ABCC11: variants seen among roughly 807,000 people sequenced by gnomAD.
ABCC11 encodes ATP-binding cassette sub-family C member 11.
ABCC11 carries 135 observed loss-of-function variants against 149.3 expected under a neutral mutation model. The ratio of observed to expected loss-of-function variants is 0.90; its 90% CI spans 0.79 to 1.04. The LOEUF is 1.04. Among genes scored for constraint, ABCC11 ranks in the 50% least tolerant of loss-of-function variants. The pLI, the probability that ABCC11 is intolerant of heterozygous loss-of-function variation, is 0.00. For synonymous variants in ABCC11, 665 were observed against 671.4 expected, an observed-to-expected ratio of 0.99 and a Z score of 0.15; for missense variants, 1,680 against 1,722.1, an observed-to-expected ratio of 0.98 and a Z score of 0.43.
At chr16:48,178,473 G>A in intron 24 of ABCC11, 124 bp downstream of exon 24, 3 of 851,732 alleles carry the variant, frequency 3.5e-6, no homozygotes, top group Non-Finnish European at 5.6e-6. Context: ...GGGAGGAAAG[G>A]CCAGGAGCCT....
chr16:48,227,727 C>T, intron 4 of ABCC11, 79 bp downstream of exon 4: 1 of 1,592,166 alleles, frequency 6.3e-7, no homozygotes, highest in Non-Finnish European at 8.6e-7. Flanking sequence ...CTCCCTACCA[C>T]CCTTAGGCAT....
At chr16:48,176,833 G>A (rs1011836930) in intron 25 of ABCC11, 91 bp downstream of exon 25, 5 of 1,400,300 alleles carry the variant, frequency 3.6e-6, no homozygotes, top group Non-Finnish European at 4.8e-6. Flanking sequence ...ATATTTGGGG[G>A]ATGACTGAGC....
chr16:48,175,107 T>G, intron 26 of ABCC11, 151 bp downstream of exon 26: 1 of 946,330 alleles, frequency 1.1e-6, no homozygotes, highest in Non-Finnish European at 1.5e-6. Flanking sequence ...AGTACTTCAG[T>G]GAGGTAAGCC....
At position 48,175,246 on chromosome 16, in the gene ABCC11, C is replaced by T. The variant is rs374942965; in HGVS notation, c.3698+12G>A. On this transcript the variant is annotated intron_variant, in intron 26 of 29. Coordinates refer to ENST00000356608, the MANE Select transcript of ABCC11 (RefSeq NM_001370497.1). ...CCACCTCCTGCAGGCTGCCTGCTGGCCCGGCACTCACCTGATGGTTCCTGA... is the reference window on the plus strand; with the variant it reads ...CCACCTCCTGCAGGCTGCCTGCTGGTCCGGCACTCACCTGATGGTTCCTGA... 4 of 1,597,410 alleles carry T rather than the reference C, an allele frequency of 2.5e-6. No individual in the cohort carries two copies. The highest frequency in any genetic ancestry group is 2.7e-5 in the African/African-American group (2 of 74,656).
Position 48,227,896 on chromosome 16 carries a change from G to T in ABCC11, c.305C>A (p.Pro102Gln), listed in dbSNP as rs371302823. 5 of 1,614,086 alleles carry T rather than the reference G, an allele frequency of 3.1e-6. No homozygotes were observed. The highest frequency in any genetic ancestry group is 2.2e-5 in the East Asian group (1 of 44,872). ...ACTCCGTAAGCTTTGGATCATGAGC[G>T]GGGTGAGCCATGACACGGTGAGGTA... Reference protein sequence around the residue: ...FSYLTVSWLTPLMIQSLRSRL... With the variant: ...FSYLTVSWLTQLMIQSLRSRL... The change falls in exon 4 of 30, where the codon CCG becomes CAG. Residue 102 changes from proline (P) to glutamine (Q), a missense_variant. Pro to Gln is a moderately conservative substitution (Grantham distance 76). Coordinates refer to ENST00000356608, the MANE Select transcript of ABCC11 (RefSeq NM_001370497.1).
At chr16:48,168,242 A>G (rs1965464366) in intron 28 of ABCC11, among the ~76,000 whole-genome samples, 1 of 129,688 alleles carries the variant, frequency 7.7e-6, no homozygotes, top group Admixed American at 7.5e-5. Flanking sequence ...TAAAGTAATG[A>G]CTCAAATTTG....
chr16:48,184,424 A>G lies in ABCC11; in HGVS notation c.3258+16T>C, dbSNP rs1966627507. ...AGCAAAGCTCAGAGAGGGCCCACAC[A>G]GAGTCACCCCCTCACCTGCAGCACG... is the stretch of plus-strand genomic sequence containing the variant. On this transcript the variant is annotated intron_variant, in intron 23 of 29. Transcript: ENST00000356608. 1 of 1,610,962 alleles carries G rather than the reference A, an allele frequency of 6.2e-7. No individual in the cohort carries two copies. Among genetic ancestry groups the G allele is most frequent in the African/African-American group, 1.3e-5 (1 of 74,928 alleles).
chr16:48,173,027 G>C (rs1466495657), intron 26 of ABCC11, among the ~76,000 whole-genome samples: 2 of 152,202 alleles, frequency 1.3e-5, no homozygotes, highest in African/African-American at 4.8e-5. Flanking sequence ...TACTAAAGAA[G>C]AGGCAGGTCT....
intron 4 of ABCC11, 50 bp downstream of exon 4, chr16:48,227,756 C>G (rs760769849): frequency 1.2e-6 from 2 of 1,610,330 alleles, no homozygotes; most frequent in South Asian, 1.1e-5. Flanking sequence ...ATTATCCCAC[C>G]AAGAGATTGT....
At chr16:48,228,367 G>A (rs1283019321) in intron 3 of ABCC11, among the ~76,000 whole-genome samples, 1 of 152,114 alleles carries the variant, frequency 6.6e-6, no homozygotes, top group African/African-American at 2.4e-5. Context: ...GCCGAGGAGG[G>A]TGGATCACCT....
At chr16:48,206,421 G>T (rs1968454233) in intron 12 of ABCC11, among the ~76,000 whole-genome samples, 1 of 152,130 alleles carries the variant, frequency 6.6e-6, no homozygotes, top group Non-Finnish European at 1.5e-5. Context: ...CTGCTGTAGT[G>T]TTCTTCCTGT....
Position 48,170,224 on chromosome 16 carries a change from A to G in ABCC11, c.3778-6T>C, listed in dbSNP as rs113272768. ...TTTTTGGGGAACTTTGAGATCTGCGATATGGGAAGAAGAGACAACATAACC... is the reference window on the plus strand; with the variant it reads ...TTTTTGGGGAACTTTGAGATCTGCGGTATGGGAAGAAGAGACAACATAACC... On this transcript the variant is annotated splice_region_variant and splice_polypyrimidine_tract_variant and intron_variant, in intron 27 of 29. Transcript: ENST00000356608. 2.9e-5 allele frequency: 47 copies of G among 1,608,176 alleles called. No individual in the cohort carries two copies. In the African/African-American group the frequency reaches 2.9e-4, roughly 10 times the overall value.
Position 48,247,133 on chromosome 16 carries a change from C to A in ABCC11, c.-19+181G>T, listed in dbSNP as rs566791590. 2.6e-5 allele frequency among the ~76,000 whole-genome samples: 4 copies of A among 152,386 alleles called. No homozygotes were observed. In the East Asian group the frequency reaches 7.7e-4, roughly 29 times the overall value. ...AAGTATTGTTTGCTACTTAAAAAGC[C>A]TATGTGGAAAGATTGTACCATATTC... On this transcript the variant is annotated intron_variant, in intron 1 of 29. Coordinates refer to ENST00000356608, the MANE Select transcript of ABCC11 (RefSeq NM_001370497.1).
intron 6 of ABCC11, among the ~76,000 whole-genome samples, chr16:48,218,649 G>A (rs557028007): frequency 6.6e-6 from 1 of 152,170 alleles, no homozygotes; most frequent in African/African-American, 2.4e-5. Context: ...ATATGTTGTG[G>A]GAGGGACTAT....
intron 1 of ABCC11, chr16:48,235,175 C>A (rs554262400): frequency 1.3e-5 from 2 of 152,168 alleles, no homozygotes; most frequent in African/African-American, 4.8e-5. Context: ...TATTCAAATA[C>A]ACCTGCAAAG....
intron 1 of ABCC11, among the ~76,000 whole-genome samples, chr16:48,243,882 C>T (rs1971156120): frequency 6.6e-6 from 1 of 152,146 alleles, no homozygotes; most frequent in Non-Finnish European, 1.5e-5. Context: ...ATCCCAGCTA[C>T]TCGGGAGGCT....
chr16:48,181,943 A>T (rs953524785), intron 23 of ABCC11, among the ~76,000 whole-genome samples: 6 of 152,218 alleles, frequency 3.9e-5, no homozygotes, highest in Non-Finnish European at 7.3e-5. Context: ...CACTTTGCTC[A>T]TCTCATGCAG....
chr16:48,192,920 C>A (rs1406035880), intron 19 of ABCC11, among the ~76,000 whole-genome samples: 2 of 152,176 alleles, frequency 1.3e-5, no homozygotes, highest in Non-Finnish European at 2.9e-5. Flanking sequence ...TCAGAGTCTG[C>A]CCCGTGGACA....
chr16:48,192,220 G>A (rs541488067), intron 20 of ABCC11, among the ~76,000 whole-genome samples: 2 of 152,236 alleles, frequency 1.3e-5, no homozygotes, highest in East Asian at 1.9e-4. Flanking sequence ...GAGGTGGATG[G>A]ATCACTGGAA....
Sources: gnomAD v4.1 joint callset for allele counts (sites outside exome capture counted in the v4.1 genomes callset) on GRCh38, gnomAD v4.1.1 for gene constraint, MANE v1.5 for transcripts, NCBI Gene and HGNC (gene_info 2026-07-23, HGNC 2026-07-21) for gene names.